Variants in PDE1A observed in about 807,000 individuals in gnomAD.
PDE1A encodes the protein dual specificity calcium/calmodulin-dependent 3',5'-cyclic nucleotide phosphodiesterase 1A.
A neutral mutation model predicts 61.7 loss-of-function variants in PDE1A; 35 were observed. The ratio of observed to expected loss-of-function variants is 0.57; its 90% CI spans 0.43 to 0.75. The LOEUF is 0.75. PDE1A is among the 30% of genes least tolerant of loss of function. The pLI, the probability that PDE1A is intolerant of heterozygous loss-of-function variation, is 0.00. For missense variants in PDE1A, 597 were observed against 630.6 expected (o/e 0.95, Z 0.57); for synonymous variants, 232 against 213.2 (o/e 1.09, Z -0.77).
intron 2 of PDE1A, among the ~76,000 whole-genome samples, chr2:182,249,015 T>C (rs748767270): frequency 6.6e-6 from 1 of 152,216 alleles, no homozygotes; most frequent in Non-Finnish European, 1.5e-5. Context: ...TCCTTCTACC[T>C]TTTAATAAGT....
intron 13 of PDE1A, among the ~76,000 whole-genome samples, chr2:182,148,065 A>G (rs1204799145): frequency 6.6e-6 from 1 of 152,202 alleles, no homozygotes; most frequent in Non-Finnish European, 1.5e-5. Context: ...GTTGGGACTT[A>G]TCTTCTCAGC....
At chr2:182,590,969 A>C in the PDE1A span, among the ~76,000 whole-genome samples, 12 of 152,164 alleles carry the variant, frequency 7.9e-5, no homozygotes, top group Non-Finnish European at 1.5e-4. Flanking sequence ...CATTGTGTCC[A>C]CAGGAACTAT....
chr2:182,316,945 G>A (rs1457415534), intron 1 of PDE1A, among the ~76,000 whole-genome samples: 1 of 152,124 alleles, frequency 6.6e-6, no homozygotes, highest in Non-Finnish European at 1.5e-5. Context: ...CCTTTTGTAA[G>A]ACTTTAAGGA....
chr2:182,517,485 C>T (rs1235666552), intron 2 of PDE1A, among the ~76,000 whole-genome samples: 2 of 152,198 alleles, frequency 1.3e-5, no homozygotes, highest in African/African-American at 2.4e-5. Context: ...ATATTAATTG[C>T]ATTATCTCCT....
At position 182,184,624 on chromosome 2, in the gene PDE1A, C is replaced by A. The variant is rs189787701; in HGVS notation, c.1516+1268G>T. ...AAATGATACCAAATAGTAGCTCTGA[C>A]ACACAAGAAGAAATGAAGAATATCA... is the stretch of plus-strand genomic sequence containing the variant. On this transcript the variant is annotated intron_variant, in intron 13 of 13. Transcript: ENST00000351439. 3.6e-3 allele frequency among the ~76,000 whole-genome samples: 554 copies of A among 152,196 alleles called. 3 individuals are homozygous for A. Among genetic ancestry groups the A allele is most frequent in the Non-Finnish European group, 6.5e-3 (444 of 68,004 alleles).
intron 1 of PDE1A, among the ~76,000 whole-genome samples, chr2:182,402,693 A>G (rs180700965): frequency 0.013 from 1,940 of 152,330 alleles, 26 homozygotes; most frequent in South Asian, 0.047. Context: ...TAATTAAACT[A>G]AAGAGCTTCT....
In PDE1A at chr2:182,189,086, T is replaced by C. The variant is rs529646345; in HGVS notation, c.1126-26A>G. The C allele has an allele frequency of 5.9e-6, 9 of 1,523,024 alleles. No individual in the cohort carries two copies. In the South Asian group the frequency reaches 9.2e-5, roughly 16 times the overall value. The allele number at this position is 1,523,024 out of a possible 1,614,324, so 94.3% of individuals were successfully genotyped here. A position where few individuals can be genotyped will look rare whatever the true frequency, so the allele number is the denominator to read the frequency against. ...CTGGAGAAAGAAAAGCACATTAATA[T>C]AGACTTGGGTTGGAGAAGCTAAAAT... On this transcript the variant is annotated intron_variant, in intron 10 of 13. Transcript: ENST00000351439.
At chr2:182,509,618 C>T (rs973456132) in intron 2 of PDE1A, among the ~76,000 whole-genome samples, 2 of 152,058 alleles carry the variant, frequency 1.3e-5, no homozygotes, top group South Asian at 2.1e-4. Context: ...TTTTCTCATC[C>T]GAAAGACTGG....
At chr2:182,390,241 T>C (rs1362047702) in intron 1 of PDE1A, among the ~76,000 whole-genome samples, 1 of 151,912 alleles carries the variant, frequency 6.6e-6, no homozygotes, top group Non-Finnish European at 1.5e-5. Flanking sequence ...TTTCTTTAGT[T>C]GGTTTTGGGG....
At chr2:182,220,889 A>AAATC (rs1688659239) in intron 7 of PDE1A, among the ~76,000 whole-genome samples, 1 of 152,054 alleles carries the variant, frequency 6.6e-6, no homozygotes, top group African/African-American at 2.4e-5. Context: ...TGAGAGTTAA[A>AAATC]AATCATGTTA....
At chr2:182,548,602 A>G in the PDE1A span, among the ~76,000 whole-genome samples, 1 of 152,170 alleles carries the variant, frequency 6.6e-6, no homozygotes, top group Non-Finnish European at 1.5e-5. Flanking sequence ...TCTTTTTTAA[A>G]TAAGGAGGCT....
At chr2:182,334,292 GCA>G (rs201753422) in intron 1 of PDE1A, among the ~76,000 whole-genome samples, 2 of 145,010 alleles carry the variant, frequency 1.4e-5, no homozygotes, top group African/African-American at 5.1e-5. Flanking sequence ...ACACACACAT[GCA>G]CACACACACA....
intron 2 of PDE1A, among the ~76,000 whole-genome samples, chr2:182,453,433 T>C (rs1036819345): frequency 1.3e-5 from 2 of 151,310 alleles, no homozygotes; most frequent in Non-Finnish European, 2.9e-5. Flanking sequence ...AACTTCTTCA[T>C]TAAAAAAAAA....
At chr2:182,684,780 A>T in the PDE1A span, among the ~76,000 whole-genome samples, 2 of 152,172 alleles carry the variant, frequency 1.3e-5, no homozygotes, top group African/African-American at 4.8e-5. Context: ...CGAATTCCTG[A>T]TCTCAAAACA....
At chr2:182,312,133 A>G (rs1696020566) in intron 1 of PDE1A, among the ~76,000 whole-genome samples, 1 of 151,958 alleles carries the variant, frequency 6.6e-6, no homozygotes, top group African/African-American at 2.4e-5. Context: ...TAGTTGAATT[A>G]TTTTTATTAT....
At chr2:182,516,687 G>GGGAAGGGA (rs1301155600) in intron 2 of PDE1A, among the ~76,000 whole-genome samples, 88 of 76,968 alleles carry the variant, frequency 1.1e-3, no homozygotes, top group African/African-American at 3.7e-3. Flanking sequence ...GAGGGAAGGA[G>GGGAAGGGA]GGAAGGGAGG....
chr2:182,245,096 AATT>A (rs1169303089), intron 2 of PDE1A, among the ~76,000 whole-genome samples: 4 of 152,178 alleles, frequency 2.6e-5, no homozygotes, highest in African/African-American at 9.7e-5. Flanking sequence ...AGAAGTTTTT[AATT>A]TTTCCTTTTT....
intron 2 of PDE1A, among the ~76,000 whole-genome samples, chr2:182,256,038 C>CTTTTTTT (rs755211798): frequency 4.3e-5 from 4 of 92,332 alleles, no homozygotes; most frequent in Non-Finnish European, 6.4e-5. Flanking sequence ...AGGATGACTT[C>CTTTTTTT]TTTTTTTTTT....
intron 2 of PDE1A, among the ~76,000 whole-genome samples, chr2:182,490,665 G>C (rs940991495): frequency 2.3e-4 from 35 of 152,132 alleles, no homozygotes; most frequent in Admixed American, 2.3e-3. Flanking sequence ...GAGCCACCAC[G>C]CCCAGCCAAG....
Sources: allele counts gnomAD v4.1 joint callset (sites outside exome capture counted in the v4.1 genomes callset), GRCh38; gene constraint gnomAD v4.1.1; transcripts MANE v1.5; gene names NCBI Gene and HGNC (gene_info 2026-07-23, HGNC 2026-07-21).